Variants in AGK observed in about 807,000 individuals in gnomAD.
AGK encodes the protein acylglycerol kinase, also known as acylglycerol kinase, mitochondrial.
Under a neutral mutation model 66.4 loss-of-function variants are expected in AGK, and 52 were observed. The observed-to-expected ratio is 0.78, with a 90% CI of 0.63 to 0.99. AGK has a LOEUF of 0.99. AGK is among the 50% of genes least tolerant of loss of function. The pLI, the probability that AGK is intolerant of heterozygous loss-of-function variation, is 0.00. For missense variants in AGK, 451 were observed against 506.6 expected (o/e 0.89, Z 1.05); for synonymous variants, 182 against 181.1 (o/e 1.00, Z -0.04).
intron 10 of AGK, 31 bp downstream of exon 10, chr7:141,634,011 T>G (rs764830625): frequency 1.2e-5 from 19 of 1,575,024 alleles, no homozygotes; most frequent in Non-Finnish European, 1.5e-5. Context: ...TGTGTGATGT[T>G]TTTTAAAAAA....
At chr7:141,561,483 T>C (rs894729323) in intron 2 of AGK, among the ~76,000 whole-genome samples, 3 of 151,850 alleles carry the variant, frequency 2.0e-5, no homozygotes, top group Admixed American at 2.0e-4. Context: ...AGGTGGTATC[T>C]CATTATTTTT....
intron 2 of AGK, among the ~76,000 whole-genome samples, chr7:141,589,405 TGA>T (rs561753595): frequency 6.6e-6 from 1 of 152,230 alleles, no homozygotes; most frequent in South Asian, 2.1e-4. Flanking sequence ...ATTTCTTTGC[TGA>T]GATAGTTTTC....
intron 14 of AGK, 24 bp from the exon 15 acceptor site, chr7:141,651,501 G>A: frequency 6.2e-7 from 1 of 1,613,012 alleles, no homozygotes; most frequent in Non-Finnish European, 8.5e-7. Flanking sequence ...CTGGTCTTAA[G>A]CTTGCTTTTT....
At chr7:141,634,010 T>C (rs1797116211) in intron 10 of AGK, 30 bp downstream of exon 10, 1 of 1,574,288 alleles carries the variant, frequency 6.4e-7, no homozygotes. Flanking sequence ...ATGTGTGATG[T>C]TTTTTAAAAA....
intron 9 of AGK, among the ~76,000 whole-genome samples, chr7:141,630,700 C>T (rs1332390758): frequency 6.6e-6 from 1 of 152,146 alleles, no homozygotes; most frequent in African/African-American, 2.4e-5. Context: ...CACTATTATA[C>T]TTACTTAGCA....
chr7:141,591,040 A>ACTG (rs1285163084), intron 2 of AGK, among the ~76,000 whole-genome samples: 1 of 144,290 alleles, frequency 6.9e-6, no homozygotes, highest in East Asian at 2.1e-4. Flanking sequence ...CTTTTGGGGT[A>ACTG]CTGATGTCAT....
intron 2 of AGK, among the ~76,000 whole-genome samples, chr7:141,557,829 C>T (rs909483453): frequency 3.9e-5 from 6 of 152,136 alleles, no homozygotes; most frequent in African/African-American, 1.4e-4. Flanking sequence ...TACTATTTAG[C>T]CTTTTTAAAA....
intron 11 of AGK, among the ~76,000 whole-genome samples, chr7:141,640,704 A>G (rs1339316437): frequency 1.3e-5 from 2 of 152,122 alleles, no homozygotes; most frequent in African/African-American, 4.8e-5. Flanking sequence ...TGCGGTCAGG[A>G]TGTGATCCAG....
intron 2 of AGK, among the ~76,000 whole-genome samples, chr7:141,559,204 A>T (rs1795282686): frequency 6.6e-6 from 1 of 152,212 alleles, no homozygotes. Flanking sequence ...ATCCAGTGTC[A>T]TGAAGCTTTT....
intron 2 of AGK, among the ~76,000 whole-genome samples, chr7:141,587,821 A>G (rs1368658874): frequency 6.6e-6 from 1 of 152,212 alleles, no homozygotes; most frequent in Non-Finnish European, 1.5e-5. Flanking sequence ...AAACTTCACT[A>G]GGACAGGGAA....
intron 3 of AGK, among the ~76,000 whole-genome samples, chr7:141,594,717 A>G (rs540059323): frequency 2.6e-5 from 4 of 151,970 alleles, no homozygotes; most frequent in African/African-American, 9.7e-5. Flanking sequence ...CAATGGCACA[A>G]TCTCAGCTCA....
chr7:141,652,319 G>A (rs546652837), intron 15 of AGK: 1 of 155,838 alleles, frequency 6.4e-6, no homozygotes, highest in East Asian at 1.9e-4. Context: ...TACACCTTGG[G>A]TATATCAAGC....
intron 7 of AGK, among the ~76,000 whole-genome samples, 156 bp downstream of exon 7, chr7:141,614,334 A>G (rs1796660708): frequency 2.0e-5 from 3 of 152,088 alleles, no homozygotes; most frequent in Non-Finnish European, 2.9e-5. Context: ...TACCCATGTC[A>G]TAGAACACGT....
intron 9 of AGK, among the ~76,000 whole-genome samples, chr7:141,622,439 A>G (rs940071735): frequency 1.3e-5 from 2 of 152,148 alleles, no homozygotes; most frequent in Non-Finnish European, 2.9e-5. Context: ...TTCCAACAGC[A>G]TGTGCTCACT....
At chr7:141,575,562 A>G (rs936609170) in intron 2 of AGK, among the ~76,000 whole-genome samples, 1 of 150,570 alleles carries the variant, frequency 6.6e-6, no homozygotes, top group East Asian at 2.0e-4. Context: ...GTTGACAAGC[A>G]TTGGACTAGA....
chr7:141,580,845 G>A (rs1183551353), intron 2 of AGK, among the ~76,000 whole-genome samples: 4 of 152,038 alleles, frequency 2.6e-5, no homozygotes, highest in Non-Finnish European at 5.9e-5. Flanking sequence ...AAGGGAGTGA[G>A]TGATGAGTTA....
chr7:141,572,628 G>A lies in AGK; in HGVS notation c.101+17061G>A, dbSNP rs867487505. On this transcript the variant is annotated intron_variant, in intron 2 of 15. Coordinates refer to ENST00000649286, the MANE Select transcript of AGK (RefSeq NM_018238.4). ...TAAATGCTAGTTATTATTATTACTA[G>A]GTAGTTGACTGGGCATATGATTGAA... is the stretch of plus-strand genomic sequence containing the variant. 5.3e-5 allele frequency among the ~76,000 whole-genome samples: 8 copies of A among 152,270 alleles called. 1 individual carries two copies. The highest frequency in any genetic ancestry group is 6.8e-3 in the Middle Eastern group (2 of 294).
At chr7:141,585,882 T>C (rs1424708579) in intron 2 of AGK, among the ~76,000 whole-genome samples, 1 of 152,240 alleles carries the variant, frequency 6.6e-6, no homozygotes, top group Non-Finnish European at 1.5e-5. Flanking sequence ...TGAGCAGATC[T>C]GCAGGGACCC....
chr7:141,608,089 A>G (rs1796502582), intron 5 of AGK, among the ~76,000 whole-genome samples: 1 of 152,186 alleles, frequency 6.6e-6, no homozygotes, highest in Non-Finnish European at 1.5e-5. Context: ...TATAGTCTTA[A>G]CAAAATAAAT....
Sources: gnomAD v4.1 joint callset for allele counts (sites outside exome capture counted in the v4.1 genomes callset) on GRCh38, gnomAD v4.1.1 for gene constraint, MANE v1.5 for transcripts, NCBI Gene and HGNC (gene_info 2026-07-23, HGNC 2026-07-21) for gene names.